Variants in EMC8 observed in about 807,000 individuals in gnomAD.
The protein encoded by EMC8 is COX4 neighbor.
EMC8 carries 11 observed loss-of-function variants against 24.3 expected under a neutral mutation model. The ratio of observed to expected loss-of-function variants is 0.45; its 90% CI spans 0.28 to 0.75. EMC8 has a LOEUF of 0.75. EMC8 is among the 30% of genes least tolerant of loss of function. The probability of loss-of-function intolerance (pLI) is 0.12; values close to 1 mark genes in which losing one functional copy is unlikely to be tolerated. For synonymous variants in EMC8, 145 were observed against 117.7 expected, an observed-to-expected ratio of 1.23 and a Z score of -1.50; for missense variants, 277 against 282.7, an observed-to-expected ratio of 0.98 and a Z score of 0.14.
intron 1 of EMC8, 22 bp from the exon 2 acceptor site, chr16:85,789,072 G>A: frequency 6.5e-7 from 1 of 1,541,844 alleles, no homozygotes; most frequent in Non-Finnish European, 9.0e-7. Context: ...ACAAAAATTG[G>A]GAAAAGATGA....
intron 2 of EMC8, among the ~76,000 whole-genome samples, chr16:85,788,167 A>C (rs1009054183): frequency 5.9e-5 from 9 of 152,276 alleles, no homozygotes; most frequent in Admixed American, 2.0e-4. Context: ...TGGAAGGGGG[A>C]CATCATGTAC....
Position 85,779,732 on chromosome 16 carries a change from A to G in EMC8, c.609T>C (p.Asn203=). 1 of 1,614,244 alleles carries G rather than the reference A, an allele frequency of 6.2e-7. No individual in the cohort carries two copies. Among genetic ancestry groups the G allele is most frequent in the Non-Finnish European group, 8.5e-7 (1 of 1,180,048 alleles). Residue 203 remains asparagine, a synonymous_variant, in exon 5 of 5, where the codon AAT becomes AAC. Transcript: ENST00000253457. The part of the protein sequence containing the change: ...IRNDWTNPEI[N]KAVLHLC Reference sequence around the variant, plus strand: ...CCTAGCACAAGTGTAGGACAGCTTTATTGATCTCTGGGTTTGTCCAGTCAT... The same window carrying G: ...CCTAGCACAAGTGTAGGACAGCTTTGTTGATCTCTGGGTTTGTCCAGTCAT...
intron 2 of EMC8, among the ~76,000 whole-genome samples, chr16:85,783,621 C>T (rs1245465906): frequency 5.9e-5 from 9 of 152,240 alleles, no homozygotes; most frequent in South Asian, 2.1e-4. Context: ...GGCAGGCCTT[C>T]GTTACGGTGA....
Position 85,779,645 on chromosome 16 carries a change from A to C in EMC8, c.*63T>G. On this transcript the variant is annotated 3_prime_UTR_variant, in exon 5 of 5. Transcript: ENST00000253457. ...GCTACAAGATATTTTATTTACATTT[A>C]AAAATAGGTTTTCTTCTTCAACGTA... 1.3e-6 allele frequency: 2 copies of C among 1,525,618 alleles called. No individual in the cohort carries two copies. The highest frequency in any genetic ancestry group is 1.8e-6 in the Non-Finnish European group (2 of 1,102,982). 94.5% of individuals were successfully genotyped at this position (1,525,618 alleles called of 1,614,324 possible). A position where few individuals can be genotyped will look rare whatever the true frequency, so the allele number is the denominator to read the frequency against.
In EMC8 at chr16:85,786,495, G is replaced by A. The variant is rs146324891; in HGVS notation, c.308+2479C>T. Among the ~76,000 whole-genome samples, 17 of 152,208 alleles carry A rather than the reference G, an allele frequency of 1.1e-4. No individual in the cohort carries two copies. In the East Asian group the frequency reaches 1.9e-3, roughly 17 times the overall value. On this transcript the variant is annotated intron_variant, in intron 2 of 4. Coordinates refer to ENST00000253457, the MANE Select transcript of EMC8 (RefSeq NM_006067.5). ...TGTGAGGATGAAATAAAATGACCCCGATAGAGCCCAGGGATAGCACGGCAT... is the reference window on the plus strand; with the variant it reads ...TGTGAGGATGAAATAAAATGACCCCAATAGAGCCCAGGGATAGCACGGCAT...
Position 85,779,624 on chromosome 16 carries a change from C to A in EMC8, c.*84G>T. 7.1e-7 allele frequency: 1 copy of A among 1,407,150 alleles called. No individual in the cohort carries two copies. Among genetic ancestry groups the A allele is most frequent in the East Asian group, 2.3e-5 (1 of 43,528 alleles). 87.2% of individuals were successfully genotyped at this position (1,407,150 alleles called of 1,614,324 possible). A position where few individuals can be genotyped will look rare whatever the true frequency, so the allele number is the denominator to read the frequency against. On this transcript the variant is annotated 3_prime_UTR_variant, in exon 5 of 5. Coordinates refer to ENST00000253457, the MANE Select transcript of EMC8 (RefSeq NM_006067.5). Reference sequence around the variant, plus strand: ...AACGGTCAGCTTTCCACACAGGCTACAAGATATTTTATTTACATTTAAAAA... The same window carrying A: ...AACGGTCAGCTTTCCACACAGGCTAAAAGATATTTTATTTACATTTAAAAA...
At chr16:85,780,678 T>G in intron 3 of EMC8, 1 of 582,182 alleles carries the variant, frequency 1.7e-6, no homozygotes, top group South Asian at 2.1e-5. Flanking sequence ...TCCTTCATTG[T>G]TTTTTCACAA....
intron 2 of EMC8, among the ~76,000 whole-genome samples, chr16:85,783,183 G>C (rs985939839): frequency 3.9e-5 from 6 of 152,278 alleles, no homozygotes; most frequent in Non-Finnish European, 2.9e-5. Flanking sequence ...CACATCTGTA[G>C]ACCCAGCTAC....
intron 1 of EMC8, 169 bp downstream of exon 1, chr16:85,798,896 A>C (rs1905422024): frequency 1.8e-6 from 1 of 561,538 alleles, no homozygotes; most frequent in Non-Finnish European, 3.2e-6. Context: ...CTATTTATTC[A>C]GCGCCAAGAC....
At chr16:85,796,686 C>T (rs1905253845) in intron 1 of EMC8, among the ~76,000 whole-genome samples, 1 of 152,200 alleles carries the variant, frequency 6.6e-6, no homozygotes, top group South Asian at 2.1e-4. Flanking sequence ...CCTCTCCCGC[C>T]CACTATTTTC....
At chr16:85,787,337 C>G (rs1005405551) in intron 2 of EMC8, among the ~76,000 whole-genome samples, 1 of 152,084 alleles carries the variant, frequency 6.6e-6, no homozygotes, top group African/African-American at 2.4e-5. Context: ...CTGGGATCAT[C>G]CTACCAGGTC....
chr16:85,784,736 C>G (rs961485815), intron 2 of EMC8: 8 of 152,042 alleles, frequency 5.3e-5, no homozygotes, highest in African/African-American at 1.7e-4. Flanking sequence ...GAGGCCTGCC[C>G]ATGTACCCAC....
At chr16:85,783,474 C>T (rs926830364) in intron 2 of EMC8, among the ~76,000 whole-genome samples, 3 of 152,160 alleles carry the variant, frequency 2.0e-5, no homozygotes, top group Admixed American at 6.5e-5. Context: ...TCTTCTTATC[C>T]GATGTAACCT....
At chr16:85,781,614 CTTT>C (rs10673082) in intron 2 of EMC8, 144 of 129,776 alleles carry the variant, frequency 1.1e-3, no homozygotes, top group South Asian at 4.7e-3. Flanking sequence ...TTTTTTTTTG[CTTT>C]TTTTTTTTTT....
intron 4 of EMC8, 26 bp downstream of exon 4, chr16:85,780,353 C>T (rs1457811776): frequency 1.1e-5 from 18 of 1,586,144 alleles, no homozygotes; most frequent in Non-Finnish European, 1.1e-5. Context: ...GAGCCCAGCC[C>T]GCGCGGCAGC....
chr16:85,793,217 C>G (rs577801603), intron 1 of EMC8, among the ~76,000 whole-genome samples: 2 of 152,250 alleles, frequency 1.3e-5, no homozygotes, highest in African/African-American at 4.8e-5. Flanking sequence ...ACTATCCCCC[C>G]ACGCCCCTTG....
chr16:85,794,374 G>A (rs2152076577), intron 1 of EMC8, among the ~76,000 whole-genome samples: 1 of 152,284 alleles, frequency 6.6e-6, no homozygotes, highest in Non-Finnish European at 1.5e-5. Flanking sequence ...CACTGCTGAG[G>A]GAATGAGTTT....
At chr16:85,796,394 C>T (rs139712922) in intron 1 of EMC8, among the ~76,000 whole-genome samples, 3 of 152,308 alleles carry the variant, frequency 2.0e-5, no homozygotes, top group African/African-American at 7.2e-5. Flanking sequence ...CTTCTCCGTA[C>T]CCATGCTGCA....
chr16:85,779,707 C>A lies in EMC8; in HGVS notation c.*1G>T. 6.2e-7 allele frequency: 1 copy of A among 1,614,034 alleles called. No individual in the cohort carries two copies. Among genetic ancestry groups the A allele is most frequent in the Non-Finnish European group, 8.5e-7 (1 of 1,179,882 alleles). The stretch of plus-strand genomic sequence containing the variant: ...CGGAGCCCAGTCACAGCGGTGCCTG[C>A]CTAGCACAAGTGTAGGACAGCTTTA... On this transcript the variant is annotated 3_prime_UTR_variant, in exon 5 of 5. Transcript: ENST00000253457.
Sources: allele counts gnomAD v4.1 joint callset (sites outside exome capture counted in the v4.1 genomes callset), GRCh38; gene constraint gnomAD v4.1.1; transcripts MANE v1.5; gene names NCBI Gene and HGNC (gene_info 2026-07-23, HGNC 2026-07-21).